GALNT13: variants seen among roughly 807,000 people sequenced by gnomAD.
The protein encoded by GALNT13 is polypeptide N-acetylgalactosaminyltransferase 13, also known as UDP-GalNAc:polypeptide N-acetylgalactosaminyltransferase 13.
Under a neutral mutation model 64.2 loss-of-function variants are expected in GALNT13, and 28 were observed. The ratio of observed to expected loss-of-function variants is 0.44; its 90% CI spans 0.32 to 0.60. The LOEUF (loss-of-function observed/expected upper bound fraction) is 0.60. Among genes scored for constraint, GALNT13 ranks in the 20% least tolerant of loss-of-function variants. The pLI, the probability that GALNT13 is intolerant of heterozygous loss-of-function variation, is 0.05. For missense variants in GALNT13, 577 were observed against 669.8 expected (o/e 0.86, Z 1.53); for synonymous variants, 214 against 224.6 (o/e 0.95, Z 0.42).
At position 153,910,025 on chromosome 2, in the gene GALNT13, T is replaced by C. The variant is rs138687806; in HGVS notation, c.-105+9018T>C. On this transcript the variant is annotated intron_variant, in intron 2 of 12. Transcript: ENST00000392825. ...AATGGTACCAGCCCTTCTTTGTATG[T>C]CTGGTAGACTTTGTCGGTGAATCCT... Among the ~76,000 whole-genome samples the C allele has an allele frequency of 7.4e-3, 1,120 of 152,048 alleles. 11 individuals carry two copies. The highest frequency in any genetic ancestry group is 0.026 in the African/African-American group (1,074 of 41,478).
At chr2:154,200,966 C>G (rs1216169515) in intron 4 of GALNT13, among the ~76,000 whole-genome samples, 1 of 152,026 alleles carries the variant, frequency 6.6e-6, no homozygotes, top group East Asian at 1.9e-4. Context: ...AAATGCAATT[C>G]TATTTTACAA....
At chr2:153,200,687 T>A in the GALNT13 span, among the ~76,000 whole-genome samples, 1 of 152,192 alleles carries the variant, frequency 6.6e-6, no homozygotes, top group Non-Finnish European at 1.5e-5. Context: ...TTGTTTGATT[T>A]TGAGGATTAG....
the GALNT13 span, among the ~76,000 whole-genome samples, chr2:153,673,279 C>T: frequency 6.6e-6 from 1 of 152,144 alleles, no homozygotes; most frequent in Non-Finnish European, 1.5e-5. Flanking sequence ...AGAACAATAT[C>T]CCTGATGAAC....
the GALNT13 span, among the ~76,000 whole-genome samples, chr2:153,701,236 C>CA: frequency 6.6e-6 from 1 of 152,132 alleles, no homozygotes; most frequent in African/African-American, 2.4e-5. Context: ...CAAAAACAAG[C>CA]AATGGGGAAA....
At chr2:154,113,499 G>C (rs1310340772) in intron 3 of GALNT13, among the ~76,000 whole-genome samples, 1 of 152,104 alleles carries the variant, frequency 6.6e-6, no homozygotes, top group Non-Finnish European at 1.5e-5. Context: ...TTGTAGGAGG[G>C]GCCAAATGCA....
At chr2:154,406,584 C>T (rs576255978) in intron 10 of GALNT13, among the ~76,000 whole-genome samples, 1 of 152,248 alleles carries the variant, frequency 6.6e-6, no homozygotes, top group East Asian at 1.9e-4. Flanking sequence ...GGTTGCTCTC[C>T]TCTTCATTAA....
chr2:154,229,566 C>A (rs542691833), intron 4 of GALNT13, among the ~76,000 whole-genome samples: 1 of 151,716 alleles, frequency 6.6e-6, no homozygotes, highest in Non-Finnish European at 1.5e-5. Flanking sequence ...GAAGGAAAGG[C>A]GAATAAATAT....
chr2:153,643,686 A>G, the GALNT13 span, among the ~76,000 whole-genome samples: 4 of 151,958 alleles, frequency 2.6e-5, no homozygotes, highest in Non-Finnish European at 5.9e-5. Context: ...TCATTTAGCA[A>G]TGTAGATGAA....
chr2:153,822,358 C>T, the GALNT13 span, among the ~76,000 whole-genome samples: 1 of 152,074 alleles, frequency 6.6e-6, no homozygotes, highest in Non-Finnish European at 1.5e-5. Flanking sequence ...CCAAATCCAG[C>T]AGCACACCAA....
At chr2:153,677,294 C>T in the GALNT13 span, among the ~76,000 whole-genome samples, 10 of 46,162 alleles carry the variant, frequency 2.2e-4, no homozygotes, top group African/African-American at 3.9e-4. Context: ...TACACACACA[C>T]ACACACACAC....
At chr2:153,818,671 A>C in the GALNT13 span, among the ~76,000 whole-genome samples, 1 of 152,194 alleles carries the variant, frequency 6.6e-6, no homozygotes, top group Non-Finnish European at 1.5e-5. Flanking sequence ...GTGTGCCTGC[A>C]ACAGTGAAGT....
At chr2:153,771,296 G>T in the GALNT13 span, among the ~76,000 whole-genome samples, 1 of 152,150 alleles carries the variant, frequency 6.6e-6, no homozygotes, top group Non-Finnish European at 1.5e-5. Context: ...TCTTTGTATA[G>T]GAAGGTCAGG....
intron 4 of GALNT13, among the ~76,000 whole-genome samples, chr2:154,205,510 T>A (rs1687392206): frequency 6.6e-6 from 1 of 152,228 alleles, no homozygotes. Flanking sequence ...ATAATTTGGG[T>A]ATATTGTCAC....
chr2:153,547,578 C>T, the GALNT13 span, among the ~76,000 whole-genome samples: 1 of 152,150 alleles, frequency 6.6e-6, no homozygotes, highest in Non-Finnish European at 1.5e-5. Context: ...TTATTATGTA[C>T]TGATCTAGAT....
intron 4 of GALNT13, among the ~76,000 whole-genome samples, chr2:154,141,236 AT>A (rs1683240052): frequency 6.6e-6 from 1 of 152,146 alleles, no homozygotes; most frequent in Non-Finnish European, 1.5e-5. Flanking sequence ...TGTAGACTTT[AT>A]AAACACTATA....
At chr2:153,457,317 T>G in the GALNT13 span, among the ~76,000 whole-genome samples, 2 of 152,218 alleles carry the variant, frequency 1.3e-5, no homozygotes, top group South Asian at 4.1e-4. Context: ...ATTAGGAAAA[T>G]GTCTGCCTAC....
chr2:153,511,316 A>G, the GALNT13 span, among the ~76,000 whole-genome samples: 1 of 151,260 alleles, frequency 6.6e-6, no homozygotes, highest in Non-Finnish European at 1.5e-5. Flanking sequence ...GCTATAGATT[A>G]GGGATGACCC....
intron 3 of GALNT13, among the ~76,000 whole-genome samples, chr2:154,133,570 A>ATATATG (rs1682768310): frequency 1.3e-5 from 1 of 78,442 alleles, no homozygotes; most frequent in South Asian, 4.4e-4. Flanking sequence ...ATATATATAT[A>ATATATG]TATATATATA....
chr2:154,312,407 ACTAGTCATCCTTTTT>A (rs1460844422), intron 9 of GALNT13, among the ~76,000 whole-genome samples: 1 of 152,156 alleles, frequency 6.6e-6, no homozygotes, highest in African/African-American at 2.4e-5. Flanking sequence ...CTGTAAAGAA[ACTAGTCATCCTTTTT>A]ATTCGTATGC....
Sources: gnomAD v4.1 joint callset for allele counts (sites outside exome capture counted in the v4.1 genomes callset) on GRCh38, gnomAD v4.1.1 for gene constraint, MANE v1.5 for transcripts, NCBI Gene and HGNC (gene_info 2026-07-23, HGNC 2026-07-21) for gene names.